GOLM1: variants seen among roughly 807,000 people sequenced by gnomAD.
GOLM1 encodes golgi membrane protein 1.
In GOLM1, 31 loss-of-function variants were observed where a neutral mutation model predicts 50.5. The observed-to-expected ratio is 0.61, with a 90% CI of 0.46 to 0.83. The LOEUF is 0.83. Among genes scored for constraint, GOLM1 ranks in the 40% least tolerant of loss-of-function variants. The pLI is 0.00. For synonymous variants in GOLM1, 178 were observed against 192.8 expected, an observed-to-expected ratio of 0.92 and a Z score of 0.64; for missense variants, 491 against 501.3, an observed-to-expected ratio of 0.98 and a Z score of 0.20.
chr9:86,052,603 A>C lies in GOLM1; in HGVS notation c.310-12T>G. On this transcript the variant is annotated splice_polypyrimidine_tract_variant and intron_variant, in intron 3 of 9. Transcript: ENST00000388712. Reference sequence around the variant, plus strand: ...TTCACCAAAACCGCCTGCAACGAAGATAAACTCGCATGAAACACCCAAACC... The same window carrying C: ...TTCACCAAAACCGCCTGCAACGAAGCTAAACTCGCATGAAACACCCAAACC... 1 of 1,612,780 alleles carries C rather than the reference A, an allele frequency of 6.2e-7. No homozygotes were observed. Among genetic ancestry groups the C allele is most frequent in the Non-Finnish European group, 8.5e-7 (1 of 1,178,846 alleles).
At chr9:86,042,763 T>G (rs1017291379) in intron 5 of GOLM1, among the ~76,000 whole-genome samples, 1 of 152,204 alleles carries the variant, frequency 6.6e-6, no homozygotes, top group African/African-American at 2.4e-5. Flanking sequence ...CCAGCCCTGC[T>G]AAAATCAAGT....
intron 3 of GOLM1, among the ~76,000 whole-genome samples, chr9:86,070,437 T>C (rs974826145): frequency 1.3e-5 from 2 of 151,816 alleles, no homozygotes; most frequent in South Asian, 2.1e-4. Flanking sequence ...CCGGGTGTGG[T>C]GGCACGTGAC....
chr9:86,028,044 C>G (rs1832840245), intron 9 of GOLM1, 151 bp from the exon 10 acceptor site: 1 of 593,340 alleles, frequency 1.7e-6, no homozygotes, highest in Non-Finnish European at 3.0e-6. Flanking sequence ...TATTCCTCAT[C>G]AAGGACAAGA....
chr9:86,036,144 AG>A (rs1833135239), intron 7 of GOLM1, among the ~76,000 whole-genome samples: 1 of 152,054 alleles, frequency 6.6e-6, no homozygotes, highest in African/African-American at 2.4e-5. Flanking sequence ...ACAGCTGCCC[AG>A]GAACAAGGCA....
rs1228067093 is a variant in GOLM1, at chr9:86,036,381, C to T, written c.724G>A (p.Val242Met). Reference protein sequence around the residue: ...KSQTPAPSSEVVLDSKRQVEK... With the variant: ...KSQTPAPSSEMVLDSKRQVEK... Reference sequence around the variant, plus strand: ...ACTTGTCTCTTTGAATCCAAAACCACTTCGGAACTGGGGGCTGGTGTCTGG... The same window carrying T: ...ACTTGTCTCTTTGAATCCAAAACCATTTCGGAACTGGGGGCTGGTGTCTGG... The change falls in exon 7 of 10, where the codon GTG (valine) becomes ATG (methionine). Residue 242 changes from valine (V) to methionine (M), a missense_variant. By Grantham distance (21) the Val-to-Met change is conservative. Coordinates refer to ENST00000388712, the MANE Select transcript of GOLM1 (RefSeq NM_016548.4). 6.2e-7 allele frequency: 1 copy of T among 1,614,200 alleles called. No individual in the cohort carries two copies. The highest frequency in any genetic ancestry group is 2.2e-5 in the East Asian group (1 of 44,882).
chr9:86,081,439 G>A (rs1180766607), intron 1 of GOLM1, among the ~76,000 whole-genome samples: 10 of 151,932 alleles, frequency 6.6e-5, no homozygotes, highest in South Asian at 6.3e-4. Context: ...CAGGTGATCC[G>A]TCTGCCTCGT....
intron 4 of GOLM1, among the ~76,000 whole-genome samples, chr9:86,051,617 C>T (rs1255009530): frequency 1.3e-5 from 2 of 152,108 alleles, no homozygotes; most frequent in Non-Finnish European, 2.9e-5. Flanking sequence ...AGTGGATCAC[C>T]ACGGCGCACA....
Position 86,042,950 on chromosome 9 carries a change from T to C in GOLM1, c.468-2082A>G, listed in dbSNP as rs76214306. ...TTTTCTTACATGTAAGTGGCAAATA[T>C]TCCAGCACTAACTGGAGCTAAATTG... On this transcript the variant is annotated intron_variant, in intron 5 of 9. Coordinates refer to ENST00000388712, the MANE Select transcript of GOLM1 (RefSeq NM_016548.4). Among the ~76,000 whole-genome samples, 627 of 152,316 alleles carry C rather than the reference T, an allele frequency of 4.1e-3. 1 individual carries two copies. Among genetic ancestry groups the C allele is most frequent in the Middle Eastern group, 0.014 (4 of 294 alleles).
Position 86,027,391 on chromosome 9 carries a change from A to T in GOLM1, c.*426T>A. The stretch of plus-strand genomic sequence containing the variant: ...TGAGAACAGGTAACAGGCTGGCACC[A>T]GCACTTGGTACAGCACGTGGACAGG... On this transcript the variant is annotated 3_prime_UTR_variant, in exon 10 of 10. Transcript: ENST00000388712. The T allele has an allele frequency of 1.0e-6, 1 of 992,572 alleles. No individual in the cohort carries two copies. Among genetic ancestry groups the T allele is most frequent in the African/African-American group, 1.7e-5 (1 of 57,514 alleles). 61.5% of individuals were successfully genotyped at this position (992,572 alleles called of 1,614,324 possible).
chr9:86,089,601 C>G (rs1003510105), intron 1 of GOLM1, among the ~76,000 whole-genome samples: 1 of 152,094 alleles, frequency 6.6e-6, no homozygotes, highest in Non-Finnish European at 1.5e-5. Flanking sequence ...TGTTTTTCAG[C>G]TCCATCAGGT....
chr9:86,053,766 A>T (rs1210285417), intron 3 of GOLM1, among the ~76,000 whole-genome samples: 3 of 17,050 alleles, frequency 1.8e-4, no homozygotes, highest in African/African-American at 6.7e-4. Flanking sequence ...CACACACCAC[A>T]CCAAACCATA....
In GOLM1 at chr9:86,028,902, G is replaced by A. The variant is rs184596858; in HGVS notation, c.1130-1009C>T. Among the ~76,000 whole-genome samples the A allele has an allele frequency of 3.4e-5, 5 of 145,774 alleles. No homozygotes were observed. The East Asian group carries it at 1.0e-3, about 29-fold the overall frequency. ...CTGGCTCTATCACCCAGGCTGGAGT[G>A]CAGTCGTGCGATCTCAGCTCACTGC... is the stretch of plus-strand genomic sequence containing the variant. On this transcript the variant is annotated intron_variant, in intron 9 of 9. Coordinates refer to ENST00000388712, the MANE Select transcript of GOLM1 (RefSeq NM_016548.4).
intron 3 of GOLM1, among the ~76,000 whole-genome samples, chr9:86,075,724 G>A (rs1338638157): frequency 2.0e-5 from 3 of 152,126 alleles, no homozygotes; most frequent in Non-Finnish European, 4.4e-5. Flanking sequence ...TATTCTAAAA[G>A]AGAAAAACTG....
At chr9:86,057,842 G>A (rs962730265) in intron 3 of GOLM1, among the ~76,000 whole-genome samples, 2 of 152,214 alleles carry the variant, frequency 1.3e-5, no homozygotes, top group African/African-American at 4.8e-5. Context: ...ACCGAGCCTG[G>A]CTGAAGCCAG....
In GOLM1 at chr9:86,027,679, A is replaced by T. The variant is rs1832828047; in HGVS notation, c.*138T>A. 1 of 1,423,806 alleles carries T rather than the reference A, an allele frequency of 7.0e-7. No homozygotes were observed. Among genetic ancestry groups the T allele is most frequent in the Admixed American group, 3.1e-5 (1 of 32,230 alleles). 88.2% of individuals were successfully genotyped at this position (1,423,806 alleles called of 1,614,324 possible). A position where few individuals can be genotyped will look rare whatever the true frequency, so the allele number is the denominator to read the frequency against. Reference sequence around the variant, plus strand: ...TTCCATTTTTTCCTACACAAAGTGCATACTAAAATTTCACAATAATCATCT... The same window carrying T: ...TTCCATTTTTTCCTACACAAAGTGCTTACTAAAATTTCACAATAATCATCT... On this transcript the variant is annotated 3_prime_UTR_variant, in exon 10 of 10. Transcript: ENST00000388712.
chr9:86,079,650 T>G, intron 1 of GOLM1: 1 of 234,952 alleles, frequency 4.3e-6, no homozygotes, highest in East Asian at 8.8e-5. Context: ...ACACTTCAGA[T>G]TCCTCCCTTG....
At chr9:86,075,228 C>A (rs1269421908) in intron 3 of GOLM1, among the ~76,000 whole-genome samples, 2 of 152,210 alleles carry the variant, frequency 1.3e-5, no homozygotes, top group Non-Finnish European at 2.9e-5. Flanking sequence ...GTTGTTTATA[C>A]GCTGCTCAGT....
intron 6 of GOLM1, among the ~76,000 whole-genome samples, chr9:86,037,213 GAGACC>G (rs1440427852): frequency 6.6e-6 from 1 of 152,176 alleles, no homozygotes; most frequent in Non-Finnish European, 1.5e-5. Flanking sequence ...TCAGAAGTTT[GAGACC>G]AGCCTTGCCA....
At chr9:86,074,146 T>C (rs1180405347) in intron 3 of GOLM1, among the ~76,000 whole-genome samples, 1 of 149,502 alleles carries the variant, frequency 6.7e-6, no homozygotes, top group Non-Finnish European at 1.5e-5. Context: ...CCCCAGCTCC[T>C]CCCATGGCTG....
Sources: gnomAD v4.1 joint callset for allele counts (sites outside exome capture counted in the v4.1 genomes callset) on GRCh38, gnomAD v4.1.1 for gene constraint, MANE v1.5 for transcripts, NCBI Gene and HGNC (gene_info 2026-07-23, HGNC 2026-07-21) for gene names.